The following ZPBP variants were observed in gnomAD, a reference collection of about 807,000 sequenced individuals.
ZPBP encodes zona pellucida-binding protein 1.
In ZPBP, 26 loss-of-function variants were observed where a neutral mutation model predicts 44.8. The ratio of observed to expected loss-of-function variants is 0.58; its 90% CI spans 0.43 to 0.81. The LOEUF (loss-of-function observed/expected upper bound fraction) is 0.81, where lower values mean the gene tolerates loss of function less well. Ranked by LOEUF, ZPBP falls within the 30% of genes least tolerant of loss-of-function variation. The pLI, the probability that ZPBP is intolerant of heterozygous loss-of-function variation, is 0.00. For missense variants in ZPBP, 409 were observed against 434.0 expected (o/e 0.94, Z 0.51); for synonymous variants, 174 against 153.2 (o/e 1.14, Z -1.00).
chr7:50,026,847 G>A (rs1452130441), intron 5 of ZPBP, among the ~76,000 whole-genome samples: 1 of 151,902 alleles, frequency 6.6e-6, no homozygotes, highest in African/African-American at 2.4e-5. Flanking sequence ...AATTCTGACT[G>A]GATAGAGAAT....
chr7:50,012,903 T>TA (rs35531155), intron 6 of ZPBP, among the ~76,000 whole-genome samples: 41,671 of 151,408 alleles, frequency 0.28, 6,649 homozygotes, highest in Non-Finnish European at 0.37. Context: ...CAGTAATCTG[T>TA]AAAAAAACTC....
downstream of ZPBP, among the ~76,000 whole-genome samples, chr7:49,934,664 A>G (rs997959470): frequency 3.9e-5 from 6 of 152,166 alleles, no homozygotes; most frequent in African/African-American, 7.2e-5. Flanking sequence ...ACTCATTTAT[A>G]TTATTTTCCT....
intron 5 of ZPBP, among the ~76,000 whole-genome samples, chr7:50,030,055 A>G (rs1799531658): frequency 6.6e-6 from 1 of 152,108 alleles, no homozygotes; most frequent in Non-Finnish European, 1.5e-5. Flanking sequence ...AGGTTTCGCC[A>G]TGTTGGCCAG....
chr7:49,889,915 G>A (rs1008158703), intron 2 of ZPBP, among the ~76,000 whole-genome samples: 7 of 152,110 alleles, frequency 4.6e-5, no homozygotes, highest in African/African-American at 1.7e-4. Context: ...AAGTTTGAGA[G>A]ACAAATATAT....
At chr7:50,077,201 G>A (rs1802139768) in intron 3 of ZPBP, among the ~76,000 whole-genome samples, 1 of 151,832 alleles carries the variant, frequency 6.6e-6, no homozygotes, top group African/African-American at 2.4e-5. Context: ...TCCATATGCA[G>A]AAGAATGAAA....
At chr7:49,993,761 T>A (rs1797671990) in intron 6 of ZPBP, among the ~76,000 whole-genome samples, 1 of 152,116 alleles carries the variant, frequency 6.6e-6, no homozygotes, top group Non-Finnish European at 1.5e-5. Context: ...GTGGCCACAG[T>A]CATACAAGGC....
chr7:49,974,927 C>T (rs1796440940), intron 7 of ZPBP, among the ~76,000 whole-genome samples: 1 of 14,424 alleles, frequency 6.9e-5, no homozygotes, highest in Admixed American at 8.7e-4. Context: ...GCCAAAGACC[C>T]AGCACGGGGA....
At chr7:50,009,206 C>T (rs942886978) in intron 6 of ZPBP, among the ~76,000 whole-genome samples, 1 of 143,044 alleles carries the variant, frequency 7.0e-6, no homozygotes, top group African/African-American at 2.6e-5. Flanking sequence ...CACTGCACTC[C>T]AGCCTGGGTG....
intron 7 of ZPBP, among the ~76,000 whole-genome samples, chr7:49,958,837 A>G (rs1795722676): frequency 6.6e-6 from 1 of 152,244 alleles, no homozygotes; most frequent in Non-Finnish European, 1.5e-5. Flanking sequence ...CTTTCAGAAC[A>G]GTAGGAGAAA....
chr7:50,071,919 C>T (rs1801858561), intron 3 of ZPBP, among the ~76,000 whole-genome samples: 1 of 152,216 alleles, frequency 6.6e-6, no homozygotes, highest in East Asian at 1.9e-4. Context: ...GACTTGCTCA[C>T]TTCAGGTGAG....
chr7:49,874,180 CCACACA>C (rs139144140), intron 2 of ZPBP, among the ~76,000 whole-genome samples: 1 of 149,532 alleles, frequency 6.7e-6, no homozygotes, highest in Non-Finnish European at 1.5e-5. Context: ...ATGCACACAC[CCACACA>C]CACACACACA....
intron 2 of ZPBP, among the ~76,000 whole-genome samples, chr7:49,880,330 A>G (rs924150832): frequency 6.6e-6 from 1 of 151,982 alleles, no homozygotes; most frequent in Non-Finnish European, 1.5e-5. Context: ...GCTGAATTCT[A>G]TGTATTTTCC....
At chr7:49,913,645 T>G (rs1793573767) in intron 1 of ZPBP, 1 of 152,200 alleles carries the variant, frequency 6.6e-6, no homozygotes, top group Admixed American at 6.6e-5. Flanking sequence ...CTTCTTGGAC[T>G]TTCGGTCTCT....
chr7:49,857,905 G>C (rs1383114115), intron 2 of ZPBP, among the ~76,000 whole-genome samples: 2 of 152,092 alleles, frequency 1.3e-5, no homozygotes, highest in South Asian at 4.2e-4. Context: ...AGCTAAGTTT[G>C]GTGTTTCCAC....
At chr7:50,074,342 C>T (rs1584177560) in intron 3 of ZPBP, among the ~76,000 whole-genome samples, 3 of 151,942 alleles carry the variant, frequency 2.0e-5, no homozygotes, top group South Asian at 4.2e-4. Context: ...ATCGCCTTCA[C>T]TACTGGAAGA....
At chr7:50,090,242 C>A (rs1347982434) in intron 1 of ZPBP, among the ~76,000 whole-genome samples, 2 of 151,996 alleles carry the variant, frequency 1.3e-5, no homozygotes, top group African/African-American at 2.4e-5. Flanking sequence ...TCCCTCACCC[C>A]CATCCCACCG....
chr7:49,981,415 A>AG (rs1796913613), intron 7 of ZPBP, among the ~76,000 whole-genome samples: 1 of 51,976 alleles, frequency 1.9e-5, no homozygotes, highest in Non-Finnish European at 3.3e-5. Context: ...AATATATATA[A>AG]TATATAATAT....
Position 50,058,111 on chromosome 7 carries a change from G to A in ZPBP, c.365C>T (p.Thr122Ile), listed in dbSNP as rs1276064310. The change falls in exon 4 of 8, where the codon ACA becomes ATA. Residue 122 changes from threonine (T) to isoleucine (I), a missense_variant. By Grantham distance (89) the Thr-to-Ile change is moderately conservative. This residue lies in a region of ZPBP where 367 missense variants were observed against 363.1 expected (regional missense o/e 1.01). Transcript: ENST00000046087. ...VENRTAQITS[T>I]GSLVFQNFEE... Reference sequence around the variant, plus strand: ...AAAATTTTGGAATACAAGGCTTCCTGTGGATGTTATTTGTGCAGTGCGGTT... The same window carrying A: ...AAAATTTTGGAATACAAGGCTTCCTATGGATGTTATTTGTGCAGTGCGGTT... 1.9e-6 allele frequency: 3 copies of A among 1,613,864 alleles called. No individual in the cohort carries two copies. The highest frequency in any genetic ancestry group is 2.5e-6 in the Non-Finnish European group (3 of 1,179,858).
chr7:49,862,307 T>TG (rs1453657588), intron 2 of ZPBP, among the ~76,000 whole-genome samples: 1 of 151,830 alleles, frequency 6.6e-6, no homozygotes, highest in African/African-American at 2.4e-5. Context: ...AGCCTTTTTT[T>TG]GTGTGTCAAT....
Sources: allele counts gnomAD v4.1 joint callset (sites outside exome capture counted in the v4.1 genomes callset), GRCh38; gene constraint gnomAD v4.1.1; regional missense constraint gnomAD v4.1.1; transcripts MANE v1.5; gene names NCBI Gene and HGNC (gene_info 2026-07-23, HGNC 2026-07-21).